The following GPHN variants were observed in gnomAD, a reference collection of about 807,000 sequenced individuals.
The protein encoded by GPHN is gephyrin.
GPHN carries 17 observed loss-of-function variants against 95.5 expected under a neutral mutation model. The observed-to-expected ratio is 0.18, with a 90% CI of 0.12 to 0.27. The LOEUF is 0.27. Among genes scored for constraint, GPHN ranks in the 10% least tolerant of loss-of-function variants. The probability of loss-of-function intolerance (pLI) is 1.00; values close to 1 mark genes in which losing one functional copy is unlikely to be tolerated. For synonymous variants in GPHN, 320 were observed against 322.5 expected, an observed-to-expected ratio of 0.99 and a Z score of 0.08; for missense variants, 660 against 978.1, an observed-to-expected ratio of 0.67 and a Z score of 4.34.
chr14:67,607,669 C>G, the GPHN span, among the ~76,000 whole-genome samples: 47 of 152,208 alleles, frequency 3.1e-4, no homozygotes, highest in East Asian at 8.5e-3. Flanking sequence ...CCGGCCTGGA[C>G]GTGAGTATTT....
At chr14:67,461,846 T>C in the GPHN span, among the ~76,000 whole-genome samples, 2 of 152,194 alleles carry the variant, frequency 1.3e-5, no homozygotes, top group Non-Finnish European at 1.5e-5. Context: ...TAACACCTGA[T>C]GTCATTTTGT....
chr14:67,131,007 C>T (rs941117364), intron 17 of GPHN, among the ~76,000 whole-genome samples: 7 of 152,138 alleles, frequency 4.6e-5, no homozygotes, highest in South Asian at 2.1e-4. Context: ...TTCTTTTCCC[C>T]GAGGCTGGTT....
At chr14:67,601,122 C>G in the GPHN span, among the ~76,000 whole-genome samples, 1 of 152,102 alleles carries the variant, frequency 6.6e-6, no homozygotes, top group Non-Finnish European at 1.5e-5. Flanking sequence ...TGCTGACTGG[C>G]AGGGATGGAC....
chr14:67,296,320 G>A, the GPHN span, among the ~76,000 whole-genome samples: 1 of 152,046 alleles, frequency 6.6e-6, no homozygotes, highest in African/African-American at 2.4e-5. Context: ...GTGTCCAGAC[G>A]CCGGATGCAG....
At chr14:67,620,048 A>G in the GPHN span, 4 of 1,611,160 alleles carry the variant, frequency 2.5e-6, no homozygotes, top group Non-Finnish European at 3.4e-6. Context: ...AAATCCGTCC[A>G]CTCCGTGGCT....
At chr14:67,005,199 A>G (rs906329425) in intron 9 of GPHN, among the ~76,000 whole-genome samples, 1 of 151,596 alleles carries the variant, frequency 6.6e-6, no homozygotes, top group African/African-American at 2.4e-5. Flanking sequence ...CCACTTAATT[A>G]TGTGAATAAA....
chr14:67,258,739 C>T, the GPHN span, among the ~76,000 whole-genome samples: 1 of 151,574 alleles, frequency 6.6e-6, no homozygotes, highest in Non-Finnish European at 1.5e-5. Context: ...TGCCTTGATA[C>T]TGTTAACTCC....
At chr14:67,085,677 TTGA>T (rs1449613299) in intron 11 of GPHN, among the ~76,000 whole-genome samples, 2 of 152,230 alleles carry the variant, frequency 1.3e-5, no homozygotes, top group African/African-American at 4.8e-5. Context: ...TTTTTTGTTG[TTGA>T]TGATGGTGTA....
At chr14:67,345,726 C>G in the GPHN span, 2 of 1,410,068 alleles carry the variant, frequency 1.4e-6, no homozygotes, top group Non-Finnish European at 2.0e-6. Context: ...TTGACTGTTA[C>G]AAATCAAACT....
intron 2 of GPHN, among the ~76,000 whole-genome samples, chr14:66,769,571 G>A (rs7143725): frequency 0.3 from 46,003 of 151,990 alleles, 11,390 homozygotes; most frequent in African/African-American, 0.66. Flanking sequence ...ATTAGAACAT[G>A]TGGTATTTGG....
chr14:67,596,885 T>C, the GPHN span, among the ~76,000 whole-genome samples: 1 of 152,234 alleles, frequency 6.6e-6, no homozygotes, highest in Non-Finnish European at 1.5e-5. Context: ...AATTTGGAAG[T>C]CTATACTGAA....
At chr14:67,502,139 C>T in the GPHN span, among the ~76,000 whole-genome samples, 1 of 151,988 alleles carries the variant, frequency 6.6e-6, no homozygotes, top group African/African-American at 2.4e-5. Flanking sequence ...TTGAGACCAA[C>T]CTGACCAACA....
At chr14:67,522,202 A>G in the GPHN span, among the ~76,000 whole-genome samples, 2 of 152,094 alleles carry the variant, frequency 1.3e-5, no homozygotes, top group African/African-American at 2.4e-5. Flanking sequence ...AAAAAAGGAA[A>G]GAAAGTTGGG....
At chr14:66,684,916 A>G (rs2067241701) in intron 2 of GPHN, among the ~76,000 whole-genome samples, 4 of 151,948 alleles carry the variant, frequency 2.6e-5, no homozygotes, top group Non-Finnish European at 5.9e-5. Flanking sequence ...CCACCCCACA[A>G]CAGGCCCCAG....
chr14:66,999,182 C>G (rs991364400), intron 9 of GPHN, among the ~76,000 whole-genome samples: 11 of 151,782 alleles, frequency 7.2e-5, no homozygotes, highest in African/African-American at 2.7e-4. Context: ...ATGTAGTAGT[C>G]TTGTATTTTC....
At chr14:66,689,841 T>TTA (rs889615122) in intron 2 of GPHN, among the ~76,000 whole-genome samples, 4 of 152,076 alleles carry the variant, frequency 2.6e-5, no homozygotes, top group Admixed American at 2.6e-4. Flanking sequence ...TAGTCTTTAA[T>TTA]GATTTTTATT....
chr14:66,896,619 T>G (rs1290519873), intron 5 of GPHN, among the ~76,000 whole-genome samples: 1 of 151,988 alleles, frequency 6.6e-6, no homozygotes, highest in Non-Finnish European at 1.5e-5. Flanking sequence ...TAAAAAAAAT[T>G]TAGTCCTATT....
the GPHN span, among the ~76,000 whole-genome samples, chr14:67,632,857 A>G: frequency 1.7e-4 from 19 of 111,998 alleles, no homozygotes; most frequent in African/African-American, 6.1e-4. Context: ...GTCTCGCTCT[A>G]TCGCTCAGGC....
At chr14:67,392,722 G>A in the GPHN span, 2 of 1,614,206 alleles carry the variant, frequency 1.2e-6, 1 homozygote, top group Middle Eastern at 3.3e-4. Context: ...CAGAGCGAAT[G>A]GCTCCCATGC....
Sources: allele counts gnomAD v4.1 joint callset (sites outside exome capture counted in the v4.1 genomes callset), GRCh38; gene constraint gnomAD v4.1.1; transcripts MANE v1.5; gene names NCBI Gene and HGNC (gene_info 2026-07-23, HGNC 2026-07-21).